Variants in DIO1 observed in about 807,000 individuals in gnomAD.
DIO1 encodes type I iodothyronine deiodinase.
In DIO1, 17 loss-of-function variants were observed where a neutral mutation model predicts 25.9. The ratio of observed to expected loss-of-function variants is 0.66; its 90% CI spans 0.45 to 0.98. The LOEUF is 0.98. Ranked by LOEUF, DIO1 falls within the 50% of genes least tolerant of loss-of-function variation. The pLI is 0.00. For missense variants in DIO1, 270 were observed against 310.4 expected, an observed-to-expected ratio of 0.87 and a Z score of 0.98; for synonymous variants, 115 against 114.0, an observed-to-expected ratio of 1.01 and a Z score of -0.05.
chr1:53,906,319 C>A, intron 3 of DIO1, 25 bp downstream of exon 3: 1 of 1,591,888 alleles, frequency 6.3e-7, no homozygotes, highest in South Asian at 1.1e-5. Context: ...ACAGGGGGCC[C>A]AGGGAGGGCA....
chr1:53,897,301 C>A (rs919469284), intron 1 of DIO1, among the ~76,000 whole-genome samples: 3 of 152,038 alleles, frequency 2.0e-5, no homozygotes, highest in Admixed American at 2.0e-4. Context: ...CATGATGAAA[C>A]CTCGTCTCTA....
intron 1 of DIO1, among the ~76,000 whole-genome samples, chr1:53,897,967 C>T (rs551704207): frequency 6.6e-6 from 1 of 152,158 alleles, no homozygotes; most frequent in Non-Finnish European, 1.5e-5. Context: ...AACCCAAAGT[C>T]CCCTGAAATC....
At chr1:53,899,656 G>A (rs1250941669) in intron 1 of DIO1, among the ~76,000 whole-genome samples, 1 of 152,156 alleles carries the variant, frequency 6.6e-6, no homozygotes, top group African/African-American at 2.4e-5. Context: ...AGTTGATCAT[G>A]ACCATAAGTC....
chr1:53,897,564 T>C (rs1420118953), intron 1 of DIO1, among the ~76,000 whole-genome samples: 1 of 152,182 alleles, frequency 6.6e-6, no homozygotes, highest in African/African-American at 2.4e-5. Flanking sequence ...TGAAAATTGG[T>C]AGGAGTGACC....
intron 1 of DIO1, among the ~76,000 whole-genome samples, chr1:53,899,713 T>C (rs774603420): frequency 6.6e-6 from 1 of 152,232 alleles, no homozygotes; most frequent in Non-Finnish European, 1.5e-5. Flanking sequence ...GGTCTCATGC[T>C]GTTGCCCAGG....
At chr1:53,904,475 G>A (rs2100774826) in intron 1 of DIO1, among the ~76,000 whole-genome samples, 191 bp from the exon 2 acceptor site, 1 of 152,296 alleles carries the variant, frequency 6.6e-6, no homozygotes, top group Non-Finnish European at 1.5e-5. Context: ...TCATTTTAGA[G>A]AGGAGTAAAC....
intron 2 of DIO1, among the ~76,000 whole-genome samples, chr1:53,905,498 A>T (rs1354259909): frequency 1.3e-5 from 2 of 152,144 alleles, no homozygotes; most frequent in Non-Finnish European, 2.9e-5. Flanking sequence ...TTGAAAGAAC[A>T]CTGTGGTGAA....
intron 1 of DIO1, among the ~76,000 whole-genome samples, chr1:53,896,333 T>C (rs548273179): frequency 6.8e-6 from 1 of 147,514 alleles, no homozygotes; most frequent in African/African-American, 2.5e-5. Flanking sequence ...TCCTCCCACC[T>C]TAGCCTCCTT....
chr1:53,895,444 TTCTC>T (rs1387296371), intron 1 of DIO1, among the ~76,000 whole-genome samples: 2 of 152,238 alleles, frequency 1.3e-5, no homozygotes, highest in Middle Eastern at 3.4e-3. Flanking sequence ...AGTCTCAGTT[TTCTC>T]TCTCTAACTC....
In DIO1 at chr1:53,910,368, T is replaced by C. The variant is rs1651886997; in HGVS notation, c.*369T>C. On this transcript the variant is annotated 3_prime_UTR_variant, in exon 4 of 4. Transcript: ENST00000361921. ...AGGCACACTTCTGAGGTACGGTATC[T>C]CTCTCCAGCCACTCTGATACCAAGT... is the stretch of plus-strand genomic sequence containing the variant. The C allele has an allele frequency of 5.1e-6, 1 of 196,926 alleles. No individual in the cohort carries two copies. Among genetic ancestry groups the C allele is most frequent in the Admixed American group, 5.3e-5 (1 of 18,930 alleles). 12.2% of individuals were successfully genotyped at this position (196,926 alleles called of 1,614,324 possible).
chr1:53,899,704 G>T (rs1302462723), intron 1 of DIO1, among the ~76,000 whole-genome samples: 2 of 152,138 alleles, frequency 1.3e-5, no homozygotes, highest in Non-Finnish European at 2.9e-5. Context: ...TTGAGATGGG[G>T]TCTCATGCTG....
Position 53,904,770 on chromosome 1 carries a change from G to C in DIO1, c.442G>C (p.Asp148His). 3 of 1,613,096 alleles carry C rather than the reference G, an allele frequency of 1.9e-6. No homozygotes were observed. The highest frequency in any genetic ancestry group is 2.5e-6 in the Non-Finnish European group (3 of 1,179,578). The change falls in exon 2 of 4, where the codon GAT becomes CAT. Residue 148 changes from aspartate (D) to histidine (H), a missense_variant. Asp to His is a moderately conservative substitution (Grantham distance 81). Transcript: ENST00000361921. ...RLIEDFSSIA[D>H]FLVIYIEEAH... ...TATTGAAGACTTTAGTTCCATAGCA[G>C]ATTTTCTTGTCATTTACATTGAAGA...
intron 1 of DIO1, among the ~76,000 whole-genome samples, chr1:53,904,000 C>G (rs995227534): frequency 2.7e-5 from 4 of 149,372 alleles, no homozygotes; most frequent in Non-Finnish European, 5.9e-5. Flanking sequence ...GAGCTGCCTT[C>G]GGTGCCTCCC....
At chr1:53,895,109 T>C (rs534449106) in intron 1 of DIO1, among the ~76,000 whole-genome samples, 13 of 152,166 alleles carry the variant, frequency 8.5e-5, no homozygotes, top group Non-Finnish European at 1.8e-4. Flanking sequence ...TGGCACATGG[T>C]AGCTGCTCAG....
At chr1:53,907,975 G>C (rs1651746183) in intron 3 of DIO1, among the ~76,000 whole-genome samples, 1 of 146,980 alleles carries the variant, frequency 6.8e-6, no homozygotes, top group African/African-American at 2.5e-5. Context: ...TGTAATCCCA[G>C]CACTTTGGGA....
intron 1 of DIO1, among the ~76,000 whole-genome samples, chr1:53,896,751 G>A (rs1164148448): frequency 6.6e-6 from 1 of 152,152 alleles, no homozygotes; most frequent in Non-Finnish European, 1.5e-5. Flanking sequence ...AATGGGGGAG[G>A]CTATAAAAAA....
chr1:53,898,938 C>T (rs1318375402), intron 1 of DIO1, among the ~76,000 whole-genome samples: 1 of 152,154 alleles, frequency 6.6e-6, no homozygotes, highest in Non-Finnish European at 1.5e-5. Context: ...AGGTGAATGA[C>T]TCGCTTAGAG....
rs770068603 is a variant in DIO1 at position 53,904,760 on chromosome 1, T to C, written c.432T>C (p.Ser144=). 9.3e-6 allele frequency: 15 copies of C among 1,613,666 alleles called. No individual in the cohort carries two copies. Among genetic ancestry groups the C allele is most frequent in the Non-Finnish European group, 1.2e-5 (14 of 1,179,812 alleles). The change falls in exon 2 of 4, where the codon AGT becomes AGC. Residue 144 remains serine (S), a synonymous_variant. Coordinates refer to ENST00000361921, the MANE Select transcript of DIO1 (RefSeq NM_000792.7). ...DQFKRLIEDF[S]SIADFLVIYI... ...TCAAGAGGCTTATTGAAGACTTTAGTTCCATAGCAGATTTTCTTGTCATTT... is the reference window on the plus strand; with the variant it reads ...TCAAGAGGCTTATTGAAGACTTTAGCTCCATAGCAGATTTTCTTGTCATTT...
chr1:53,900,020 A>G (rs2100765401), intron 1 of DIO1, among the ~76,000 whole-genome samples: 1 of 152,308 alleles, frequency 6.6e-6, no homozygotes, highest in East Asian at 1.9e-4. Flanking sequence ...GAGAAATCAT[A>G]GTGCAGTCAA....
Sources: gnomAD v4.1 joint callset for allele counts (sites outside exome capture counted in the v4.1 genomes callset) on GRCh38, gnomAD v4.1.1 for gene constraint, MANE v1.5 for transcripts, NCBI Gene and HGNC (gene_info 2026-07-23, HGNC 2026-07-21) for gene names.